REV3L: variants seen among roughly 807,000 people sequenced by gnomAD.
The protein encoded by REV3L is REV3 like, DNA directed polymerase zeta catalytic subunit, also known as DNA polymerase zeta catalytic subunit.
A neutral mutation model predicts 299.4 loss-of-function variants in REV3L; 69 were observed. The ratio of observed to expected loss-of-function variants is 0.23; its 90% confidence interval spans 0.19 to 0.28. The LOEUF is 0.28. REV3L is among the 10% of genes least tolerant of loss of function. The pLI, the probability that REV3L is intolerant of heterozygous loss-of-function variation, is 1.00. For missense variants in REV3L, 3,128 were observed against 3,693.8 expected, an observed-to-expected ratio of 0.85 and a Z score of 3.97; for synonymous variants, 1,238 against 1,271.4, an observed-to-expected ratio of 0.97 and a Z score of 0.56.
At chr6:111,447,018 A>G (rs886244128) in intron 1 of REV3L, among the ~76,000 whole-genome samples, 1 of 152,230 alleles carries the variant, frequency 6.6e-6, no homozygotes, top group Non-Finnish European at 1.5e-5. Flanking sequence ...CCTCACAAGT[A>G]TAATTAGACT....
At chr6:111,458,647 G>A (rs771681211) in intron 1 of REV3L, among the ~76,000 whole-genome samples, 8 of 151,700 alleles carry the variant, frequency 5.3e-5, no homozygotes, top group Non-Finnish European at 1.0e-4. Flanking sequence ...TAACCTTCAG[G>A]CTAAGAGCCA....
chr6:111,432,709 C>T (rs1456762618), intron 1 of REV3L, among the ~76,000 whole-genome samples: 1 of 152,148 alleles, frequency 6.6e-6, no homozygotes, highest in African/African-American at 2.4e-5. Flanking sequence ...GCCTAATCAA[C>T]ATTTATGGAA....
chr6:111,472,345 C>A (rs919848728), intron 1 of REV3L, among the ~76,000 whole-genome samples: 10 of 151,730 alleles, frequency 6.6e-5, no homozygotes, highest in Non-Finnish European at 1.3e-4. Context: ...TCTTTTAATT[C>A]TTGTTATACT....
At chr6:111,356,944 A>T (rs1397095276) in intron 18 of REV3L, 70 bp downstream of exon 18, 2 of 723,850 alleles carry the variant, frequency 2.8e-6, no homozygotes, top group African/African-American at 3.6e-5. Flanking sequence ...TTTTATCTTC[A>T]CTATTATCTG....
At position 111,313,437 on chromosome 6, in the gene REV3L, T is replaced by C. The variant is rs1241700037; in HGVS notation, c.8519A>G (p.Tyr2840Cys). The part of the protein sequence containing the change: ...QTKKRYVGYM[Y>C]ETLDQKDPVF... ...TGGGTCCTTCTGATCCAGTGTTTCA[T>C]ACATGTAACCCACATACCTCTTTTT... is the stretch of plus-strand genomic sequence containing the variant. The change falls in exon 28 of 32, where the codon TAT becomes TGT. Residue 2840 changes from tyrosine (Y) to cysteine (C), a missense_variant. Tyr to Cys is a radical substitution (Grantham distance 194). Around this residue, in one of 9 missense-constraint regions of REV3L, gnomAD observed 294 missense variants for 377.0 expected, o/e 0.78. Transcript: ENST00000368802. 2 of 1,613,674 alleles carry C rather than the reference T, an allele frequency of 1.2e-6. No individual in the cohort carries two copies. Among genetic ancestry groups the C allele is most frequent in the Non-Finnish European group, 8.5e-7 (1 of 1,179,850 alleles).
At chr6:111,415,226 G>T (rs930654136) in intron 2 of REV3L, among the ~76,000 whole-genome samples, 10 of 152,106 alleles carry the variant, frequency 6.6e-5, no homozygotes, top group African/African-American at 2.4e-4. Context: ...CAAGTTCCCA[G>T]GTGTGTCAGT....
At position 111,482,947 on chromosome 6, in the gene REV3L, G is replaced by A. The variant is rs928028413; in HGVS notation, c.-59C>T. ...GCGACCCGGCAGCGGCAGCAGCAGC[G>A]GCGGCGGCTCCCTCCGCAGCGGCGG... On this transcript the variant is annotated 5_prime_UTR_variant, in exon 1 of 32. Transcript: ENST00000368802. 2 of 1,456,016 alleles carry A rather than the reference G, an allele frequency of 1.4e-6. No homozygotes were observed. The highest frequency in any genetic ancestry group is 1.8e-6 in the Non-Finnish European group (2 of 1,111,432). 90.2% of individuals were successfully genotyped at this position (1,456,016 alleles called of 1,614,324 possible). A position where few individuals can be genotyped will look rare whatever the true frequency, so the allele number is the denominator to read the frequency against.
intron 31 of REV3L, among the ~76,000 whole-genome samples, chr6:111,300,960 C>A (rs1015703399): frequency 3.3e-5 from 5 of 152,174 alleles, no homozygotes; most frequent in African/African-American, 1.2e-4. Context: ...CCTGCAGGGC[C>A]TGGCAGAACA....
At chr6:111,410,070 T>C (rs532770555) in intron 3 of REV3L, among the ~76,000 whole-genome samples, 5 of 152,314 alleles carry the variant, frequency 3.3e-5, no homozygotes, top group Admixed American at 3.3e-4. Context: ...TCTGGTATGG[T>C]GGCTCAGGCC....
intron 19 of REV3L, among the ~76,000 whole-genome samples, chr6:111,349,849 T>C (rs1202914183): frequency 6.6e-6 from 1 of 152,218 alleles, no homozygotes; most frequent in African/African-American, 2.4e-5. Flanking sequence ...TGAAAATTTG[T>C]TGACATCATG....
At chr6:111,381,543 C>A (rs1780829083) in intron 9 of REV3L, 99 bp from the exon 10 acceptor site, 2 of 1,016,490 alleles carry the variant, frequency 2.0e-6, no homozygotes, top group Non-Finnish European at 1.4e-6. Context: ...CCATATAAAC[C>A]TATTTTAAAT....
intron 30 of REV3L, chr6:111,309,523 C>T (rs1409078623): frequency 3.4e-5 from 6 of 176,536 alleles, no homozygotes; most frequent in Admixed American, 6.3e-5. Context: ...AATGTCCAGC[C>T]GCTCGTGTGT....
intron 3 of REV3L, among the ~76,000 whole-genome samples, chr6:111,408,844 CA>C (rs886858142): frequency 6.6e-6 from 1 of 151,998 alleles, no homozygotes; most frequent in African/African-American, 2.4e-5. Context: ...GCCACAAGCC[CA>C]ACTAATTTTT....
chr6:111,409,374 T>A lies in REV3L; in HGVS notation c.404+2106A>T, dbSNP rs182226430. On this transcript the variant is annotated intron_variant, in intron 3 of 31. Coordinates refer to ENST00000368802, the MANE Select transcript of REV3L (RefSeq NM_001372078.1). ...TGTGAAACCGGCTTTTTTTTTTTTT[T>A]AAAGGTGAGTACTTAGTGGTAGAAA... 1.0e-3 allele frequency among the ~76,000 whole-genome samples: 155 copies of A among 151,472 alleles called. 2 individuals carry two copies. In the East Asian group the frequency reaches 0.023, roughly 22 times the overall value.
rs2114939081 is a variant in REV3L, at chr6:111,350,274, T to C, written c.7301-938A>G. ...TAGGATTACCTGAATCCAAAGACCA[T>C]GTACAACCACTCACCCAATTCTTTT... On this transcript the variant is annotated intron_variant, in intron 19 of 31. Transcript: ENST00000368802. Among the ~76,000 whole-genome samples the C allele has an allele frequency of 2.0e-5, 3 of 152,276 alleles. No homozygotes were observed. The South Asian group carries it at 6.2e-4, about 32-fold the overall frequency.
chr6:111,338,551 C>T (rs925999474), intron 21 of REV3L, among the ~76,000 whole-genome samples: 2 of 150,722 alleles, frequency 1.3e-5, no homozygotes, highest in Admixed American at 6.6e-5. Flanking sequence ...ATAACTGTTA[C>T]GGTGAAAATG....
intron 15 of REV3L, among the ~76,000 whole-genome samples, chr6:111,364,574 G>A (rs980078965): frequency 1.3e-5 from 2 of 151,846 alleles, no homozygotes; most frequent in Non-Finnish European, 2.9e-5. Context: ...TATATAGCTT[G>A]TAATTCAACA....
At position 111,431,023 on chromosome 6, in the gene REV3L, T is replaced by A; in HGVS notation, c.140-14551A>T. On this transcript the variant is annotated intron_variant, in intron 1 of 31. Coordinates refer to ENST00000368802, the MANE Select transcript of REV3L (RefSeq NM_001372078.1). ...AAAGAACAAAGTCACTCCAGTGTTA[T>A]ATTTGAATTATGGGCCCTACAGTTC... 3 of 1,557,056 alleles carry A rather than the reference T, an allele frequency of 1.9e-6. No individual in the cohort carries two copies. In the Admixed American group the frequency reaches 5.3e-5, roughly 27 times the overall value.
At chr6:111,382,313 G>T (rs2115140917) in intron 9 of REV3L, among the ~76,000 whole-genome samples, 1 of 152,224 alleles carries the variant, frequency 6.6e-6, no homozygotes, top group Non-Finnish European at 1.5e-5. Flanking sequence ...CAGCGAAGAG[G>T]GTAGAAAAGA....
Sources: gnomAD v4.1 joint callset for allele counts (sites outside exome capture counted in the v4.1 genomes callset) on GRCh38, gnomAD v4.1.1 for gene constraint, gnomAD v4.1.1 regional missense constraint, MANE v1.5 for transcripts, NCBI Gene and HGNC (gene_info 2026-07-23, HGNC 2026-07-21) for gene names.